Variants in RHOH observed in about 807,000 individuals in gnomAD.
The protein encoded by RHOH is rho-related GTP-binding protein RhoH.
In RHOH, 6 loss-of-function variants were observed where a neutral mutation model predicts 13.8. That is an observed-to-expected ratio of 0.44 (90% CI 0.24 to 0.86). RHOH has a LOEUF of 0.86. Among genes scored for constraint, RHOH ranks in the 40% least tolerant of loss-of-function variants. The probability of loss-of-function intolerance (pLI) is 0.24; values close to 1 mark genes in which losing one functional copy is unlikely to be tolerated. For synonymous variants in RHOH, 117 were observed against 103.0 expected, an observed-to-expected ratio of 1.14 and a Z score of -0.82; for missense variants, 147 against 244.5, an observed-to-expected ratio of 0.60 and a Z score of 2.66.
intron 1 of RHOH, among the ~76,000 whole-genome samples, chr4:40,213,859 G>A (rs1245500605): frequency 1.3e-5 from 2 of 152,172 alleles, no homozygotes; most frequent in East Asian, 1.9e-4. Flanking sequence ...CCAGGTTTAA[G>A]TGATTCTCCT....
At position 40,243,202 on chromosome 4, in the gene RHOH, T is replaced by C; in HGVS notation, c.-185T>C. ...GTTGAAGACTAGGCTTTGGAGGTTT[T>C]CAAAGCAGACGGTGCTTGGATGGGC... is the stretch of plus-strand genomic sequence containing the variant. On this transcript the variant is annotated 5_prime_UTR_variant, in exon 3 of 3. Coordinates refer to ENST00000381799, the MANE Select transcript of RHOH (RefSeq NM_004310.5). This position sits in a 1 kb window ranked among gnomAD's most constrained non-coding sequence, Gnocchi z 6.2. 4.0e-6 allele frequency: 2 copies of C among 501,868 alleles called. No homozygotes were observed. Among genetic ancestry groups the C allele is most frequent in the South Asian group, 4.1e-5 (1 of 24,460 alleles). The allele number at this position is 501,868 out of a possible 1,614,324, so 31.1% of individuals were successfully genotyped here. A position where few individuals can be genotyped will look rare whatever the true frequency, so the allele number is the denominator to read the frequency against.
Position 40,243,279 on chromosome 4 carries a change from C to A in RHOH, c.-108C>A. 1.1e-6 allele frequency: 1 copy of A among 928,062 alleles called. No homozygotes were observed. Among genetic ancestry groups the A allele is most frequent in the Non-Finnish European group, 1.6e-6 (1 of 614,312 alleles). The allele number at this position is 928,062 out of a possible 1,614,324, so 57.5% of individuals were successfully genotyped here. On this transcript the variant is annotated 5_prime_UTR_variant, in exon 3 of 3. Transcript: ENST00000381799. This position sits in a 1 kb window ranked among gnomAD's most constrained non-coding sequence, Gnocchi z 6.2. ...CCGTCAGAGGTCCTGAGGACACAGA[C>A]CTACCTGGCTTGCATTCCCCTTGCT...
chr4:40,195,924 A>T (rs769017039), upstream of RHOH, among the ~76,000 whole-genome samples: 8 of 152,152 alleles, frequency 5.3e-5, no homozygotes, highest in Non-Finnish European at 8.8e-5. Flanking sequence ...TGTACCATTG[A>T]TTCCCTCTAC....
chr4:40,195,884 T>C (rs1225059588), upstream of RHOH, among the ~76,000 whole-genome samples: 3 of 152,164 alleles, frequency 2.0e-5, no homozygotes, highest in African/African-American at 7.2e-5. Flanking sequence ...AACTTGGTAA[T>C]TGGGTGTCTA....
At chr4:40,233,812 G>C (rs1365547436) in intron 1 of RHOH, among the ~76,000 whole-genome samples, 2 of 151,818 alleles carry the variant, frequency 1.3e-5, no homozygotes, top group Admixed American at 1.3e-4. Flanking sequence ...TGTAATCCCA[G>C]CTACTTGGGA....
chr4:40,239,292 G>A (rs1023947958), intron 1 of RHOH, among the ~76,000 whole-genome samples: 3 of 152,094 alleles, frequency 2.0e-5, no homozygotes, highest in Admixed American at 1.3e-4. Flanking sequence ...GGCACATGAG[G>A]GTCACTTGAT....
chr4:40,238,379 G>A (rs1359957619), intron 1 of RHOH, among the ~76,000 whole-genome samples: 2 of 152,210 alleles, frequency 1.3e-5, no homozygotes, highest in Admixed American at 1.3e-4. Context: ...TAGCATGGCC[G>A]TTAGAATTGA....
chr4:40,199,579 G>A (rs1471562128), intron 1 of RHOH, among the ~76,000 whole-genome samples: 4 of 152,198 alleles, frequency 2.6e-5, no homozygotes, highest in South Asian at 4.1e-4. Flanking sequence ...TGCATTACTT[G>A]TGGGCCTCCT....
intron 1 of RHOH, among the ~76,000 whole-genome samples, chr4:40,236,519 G>T (rs918286919): frequency 6.6e-6 from 1 of 152,042 alleles, no homozygotes; most frequent in African/African-American, 2.4e-5. Flanking sequence ...GGCTGGCTGC[G>T]GTGGCTCATG....
chr4:40,196,986 G>C (rs921136355), upstream of RHOH: 3 of 150,524 alleles, frequency 2.0e-5, no homozygotes, highest in African/African-American at 7.4e-5. Context: ...GGAGAAGCCG[G>C]CTACAGGAAA....
rs564648908 is a variant in RHOH at position 40,239,601 on chromosome 4, A to G, written c.-330-3113A>G. Among the ~76,000 whole-genome samples the G allele has an allele frequency of 5.3e-5, 8 of 152,306 alleles. No individual in the cohort carries two copies. In the South Asian group the frequency reaches 1.7e-3, roughly 32 times the overall value. On this transcript the variant is annotated intron_variant, in intron 1 of 2. Transcript: ENST00000381799. ...TGCTAAGAATTTTGCACTCTAGGCC[A>G]GGCACAGTGGCTCACGCCTGTAATC...
chr4:40,207,508 G>T (rs1724786869), intron 1 of RHOH, among the ~76,000 whole-genome samples: 1 of 152,164 alleles, frequency 6.6e-6, no homozygotes, highest in Non-Finnish European at 1.5e-5. Context: ...AGGGTTCTAC[G>T]TAAAACGTCG....
At chr4:40,217,630 CAATAGTAA>C (rs1726041902) in intron 1 of RHOH, among the ~76,000 whole-genome samples, 1 of 152,108 alleles carries the variant, frequency 6.6e-6, no homozygotes, top group South Asian at 2.1e-4. Flanking sequence ...TATTGTTCTA[CAATAGTAA>C]GGAATTCAAT....
At chr4:40,238,491 C>G (rs147395343) in intron 1 of RHOH, among the ~76,000 whole-genome samples, 3 of 152,326 alleles carry the variant, frequency 2.0e-5, no homozygotes, top group African/African-American at 7.2e-5. Flanking sequence ...TTGTGTCTAT[C>G]TTGGTCTCTT....
intron 1 of RHOH, among the ~76,000 whole-genome samples, chr4:40,226,046 G>C (rs1030488464): frequency 9.2e-5 from 14 of 152,142 alleles, no homozygotes; most frequent in Non-Finnish European, 1.6e-4. Context: ...ACAGCGTCTG[G>C]CAAATGTGTT....
chr4:40,239,573 A>C (rs6831752), intron 1 of RHOH, among the ~76,000 whole-genome samples: 3,800 of 152,262 alleles, frequency 0.025, 65 homozygotes, highest in Non-Finnish European at 0.039. Flanking sequence ...TATATTATGC[A>C]CCTGCTAAGA....
intron 1 of RHOH, among the ~76,000 whole-genome samples, chr4:40,242,462 G>A (rs749640138): frequency 6.6e-6 from 1 of 152,182 alleles, no homozygotes; most frequent in Non-Finnish European, 1.5e-5. Context: ...TTCAAGCAGC[G>A]TGCTCAAAGC....
upstream of RHOH, among the ~76,000 whole-genome samples, chr4:40,195,247 A>G (rs1722998274): frequency 6.6e-6 from 1 of 152,230 alleles, no homozygotes; most frequent in Non-Finnish European, 1.5e-5. Flanking sequence ...ACAAAACCAG[A>G]AGTAGATAAA....
At chr4:40,223,217 A>G (rs1260870225) in intron 1 of RHOH, among the ~76,000 whole-genome samples, 3 of 152,266 alleles carry the variant, frequency 2.0e-5, no homozygotes, top group Non-Finnish European at 4.4e-5. Context: ...TTGATAAAGC[A>G]GTGGCAGGGT....
Sources: gnomAD v4.1 joint callset for allele counts (sites outside exome capture counted in the v4.1 genomes callset) on GRCh38, gnomAD v4.1.1 for gene constraint, Gnocchi (gnomAD v3.1) non-coding constraint, MANE v1.5 for transcripts, NCBI Gene and HGNC (gene_info 2026-07-23, HGNC 2026-07-21) for gene names.